The following CSMD1 variants were observed in gnomAD, a reference collection of about 807,000 sequenced individuals.
The protein encoded by CSMD1 is CUB and Sushi multiple domains 1.
CSMD1 carries 213 observed loss-of-function variants against 417.5 expected under a neutral mutation model. The ratio of observed to expected loss-of-function variants is 0.51; its 90% confidence interval spans 0.46 to 0.57. CSMD1 has a LOEUF of 0.57. Among genes scored for constraint, CSMD1 ranks in the 20% least tolerant of loss-of-function variants. The pLI is 0.00. For synonymous variants in CSMD1, 2,862 were observed against 1,736.8 expected (o/e 1.65, Z -16.11); for missense variants, 6,923 against 4,529.7 (o/e 1.53, Z -15.17).
At chr8:3,936,058 G>A (rs550614314) in intron 5 of CSMD1, among the ~76,000 whole-genome samples, 1 of 152,048 alleles carries the variant, frequency 6.6e-6, no homozygotes. Context: ...AGAGTGTCCT[G>A]GGTAAAAGAC....
At chr8:2,977,650 G>A (rs1805043008) in intron 55 of CSMD1, among the ~76,000 whole-genome samples, 1 of 152,086 alleles carries the variant, frequency 6.6e-6, no homozygotes, top group African/African-American at 2.4e-5. Context: ...ACAACCAACA[G>A]AATGGATGAA....
chr8:3,494,689 T>C (rs1796293779), intron 10 of CSMD1, among the ~76,000 whole-genome samples: 1 of 70,708 alleles, frequency 1.4e-5, no homozygotes, highest in South Asian at 4.9e-4. Context: ...GATACATGAA[T>C]ATATAAATGA....
chr8:3,365,447 T>C (rs1219051548), intron 20 of CSMD1, among the ~76,000 whole-genome samples: 3 of 152,370 alleles, frequency 2.0e-5, no homozygotes, highest in South Asian at 2.1e-4. Context: ...TAGTAGGCAA[T>C]TGTGAAGTTC....
chr8:4,760,262 G>C (rs1170530211), intron 1 of CSMD1, among the ~76,000 whole-genome samples: 2 of 152,264 alleles, frequency 1.3e-5, no homozygotes, highest in East Asian at 1.9e-4. Flanking sequence ...GCTTAAAAAG[G>C]AATGCAAATA....
chr8:3,050,506 C>T (rs1585229053), intron 50 of CSMD1, among the ~76,000 whole-genome samples: 3 of 152,208 alleles, frequency 2.0e-5, no homozygotes, highest in Admixed American at 1.3e-4. Context: ...CAACCCCAAA[C>T]ATATACATAT....
chr8:3,375,589 A>T (rs1810257779), intron 18 of CSMD1, among the ~76,000 whole-genome samples: 1 of 152,112 alleles, frequency 6.6e-6, no homozygotes, highest in South Asian at 2.1e-4. Flanking sequence ...TTGTTCACAT[A>T]TTTATTTATA....
chr8:4,402,040 T>C (rs1804680083), intron 3 of CSMD1, among the ~76,000 whole-genome samples: 1 of 152,152 alleles, frequency 6.6e-6, no homozygotes, highest in Admixed American at 6.5e-5. Flanking sequence ...GTGACTTCAC[T>C]ATCCTGCTAA....
At chr8:4,195,178 C>T (rs1478024573) in intron 3 of CSMD1, among the ~76,000 whole-genome samples, 1 of 152,172 alleles carries the variant, frequency 6.6e-6, no homozygotes, top group Non-Finnish European at 1.5e-5. Flanking sequence ...TGTACACTGA[C>T]TTGTCAATGG....
At chr8:3,677,058 G>A (rs1365431760) in intron 7 of CSMD1, among the ~76,000 whole-genome samples, 1 of 151,890 alleles carries the variant, frequency 6.6e-6, no homozygotes, top group Admixed American at 6.6e-5. Flanking sequence ...ATGCATACGG[G>A]GCTTAAAAAC....
chr8:4,284,325 G>A (rs979277520), intron 3 of CSMD1, among the ~76,000 whole-genome samples: 2 of 152,006 alleles, frequency 1.3e-5, no homozygotes, highest in African/African-American at 2.4e-5. Context: ...CCGAGATCCT[G>A]CCAATGCACT....
chr8:3,402,921 C>T (rs1812127538), intron 15 of CSMD1, among the ~76,000 whole-genome samples: 1 of 151,686 alleles, frequency 6.6e-6, no homozygotes, highest in African/African-American at 2.4e-5. Flanking sequence ...AGACATTTTC[C>T]TTGAAACACA....
chr8:4,254,538 A>T (rs1803313183), intron 3 of CSMD1, among the ~76,000 whole-genome samples: 1 of 152,168 alleles, frequency 6.6e-6, no homozygotes, highest in South Asian at 2.1e-4. Flanking sequence ...TATGCTGTTT[A>T]TGAAGACTAC....
chr8:3,120,789 G>C (rs1050574997), intron 41 of CSMD1, among the ~76,000 whole-genome samples: 1 of 152,124 alleles, frequency 6.6e-6, no homozygotes, highest in Admixed American at 6.5e-5. Flanking sequence ...GAAGGTTGCA[G>C]TGAGCCGAGA....
intron 1 of CSMD1, among the ~76,000 whole-genome samples, chr8:4,827,328 C>T (rs762970578): frequency 6.6e-6 from 1 of 152,062 alleles, no homozygotes; most frequent in Non-Finnish European, 1.5e-5. Flanking sequence ...TTTATCTTAA[C>T]CCTAAGGCTA....
At chr8:4,930,565 T>G (rs747305064) in intron 1 of CSMD1, among the ~76,000 whole-genome samples, 7 of 152,164 alleles carry the variant, frequency 4.6e-5, no homozygotes, top group Non-Finnish European at 7.4e-5. Context: ...TCTTTCTAGT[T>G]TAAGATCCCC....
At chr8:3,846,380 G>A (rs556851547) in intron 5 of CSMD1, among the ~76,000 whole-genome samples, 31 of 152,260 alleles carry the variant, frequency 2.0e-4, no homozygotes, top group Admixed American at 9.2e-4. Context: ...TGTGGTGCAT[G>A]ACTCTACATG....
rs149410734 is a variant in CSMD1, at chr8:3,636,911, C to G, written c.1010-20114G>C. On this transcript the variant is annotated intron_variant, in intron 7 of 69. Transcript: ENST00000635120. ...TTGTGAGGTAACTAGGTCATGAGTT[C>G]TCTGCCCTCATGAATGAATTAGTAT... Among the ~76,000 whole-genome samples, 10 of 152,240 alleles carry G rather than the reference C, an allele frequency of 6.6e-5. No homozygotes were observed. The East Asian group carries it at 1.7e-3, about 27-fold the overall frequency.
chr8:3,969,899 C>A (rs1812962410), intron 5 of CSMD1, among the ~76,000 whole-genome samples: 1 of 151,688 alleles, frequency 6.6e-6, no homozygotes, highest in Non-Finnish European at 1.5e-5. Flanking sequence ...GGATAATTTG[C>A]AAAAACAAAC....
intron 2 of CSMD1, among the ~76,000 whole-genome samples, chr8:4,511,728 C>T (rs1802832273): frequency 6.6e-6 from 1 of 152,040 alleles, no homozygotes; most frequent in Non-Finnish European, 1.5e-5. Flanking sequence ...CTCAGTGTTC[C>T]CCAAGAGAAC....
Sources: allele counts gnomAD v4.1 joint callset (sites outside exome capture counted in the v4.1 genomes callset), GRCh38; gene constraint gnomAD v4.1.1; transcripts MANE v1.5; gene names NCBI Gene and HGNC (gene_info 2026-07-23, HGNC 2026-07-21).